GPHN: variants seen among roughly 807,000 people sequenced by gnomAD.
GPHN encodes gephyrin.
Under a neutral mutation model 95.5 loss-of-function variants are expected in GPHN, and 17 were observed. The observed-to-expected ratio is 0.18, with a 90% CI of 0.12 to 0.27. GPHN has a LOEUF of 0.27. GPHN is among the 10% of genes least tolerant of loss of function. GPHN has a pLI of 1.00. For missense variants in GPHN, 660 were observed against 978.1 expected (o/e 0.67, Z 4.34); for synonymous variants, 320 against 322.5 (o/e 0.99, Z 0.08).
At chr14:66,797,441 A>G (rs1396294452) in intron 3 of GPHN, among the ~76,000 whole-genome samples, 2 of 151,878 alleles carry the variant, frequency 1.3e-5, no homozygotes, top group Non-Finnish European at 2.9e-5. Context: ...CATTTTAACA[A>G]TAGTTACTCT....
At chr14:67,246,618 G>A in the GPHN span, among the ~76,000 whole-genome samples, 1 of 151,020 alleles carries the variant, frequency 6.6e-6, no homozygotes, top group Non-Finnish European at 1.5e-5. Flanking sequence ...TAGGATTACA[G>A]GTGTTAGCCA....
the GPHN span, chr14:67,557,188 G>T: frequency 8.5e-7 from 1 of 1,171,216 alleles, no homozygotes; most frequent in Non-Finnish European, 1.2e-6. Flanking sequence ...GGCATCAGAC[G>T]GTGTCCCATC....
chr14:67,386,264 A>ACAT, the GPHN span: 1 of 152,676 alleles, frequency 6.5e-6, no homozygotes, highest in Non-Finnish European at 1.5e-5. Flanking sequence ...AATAAGTAAA[A>ACAT]CATTAGCTTG....
At chr14:66,759,281 C>T (rs143159415) in intron 2 of GPHN, among the ~76,000 whole-genome samples, 19 of 152,234 alleles carry the variant, frequency 1.2e-4, no homozygotes, top group Admixed American at 2.6e-4. Flanking sequence ...ATTCTTTACT[C>T]ACCACAGGTT....
At chr14:67,183,865 T>C (rs1055012698), downstream of GPHN, among the ~76,000 whole-genome samples, 1 of 151,586 alleles carries the variant, frequency 6.6e-6, no homozygotes. Context: ...TCTTTTCTTT[T>C]TTTTTTTAAT....
the GPHN span, among the ~76,000 whole-genome samples, chr14:67,481,019 T>C: frequency 6.6e-6 from 1 of 151,954 alleles, no homozygotes; most frequent in Non-Finnish European, 1.5e-5. Flanking sequence ...GAAGAGAGGA[T>C]GGAGTTCATG....
At chr14:67,677,278 T>A in the GPHN span, 1 of 151,702 alleles carries the variant, frequency 6.6e-6, no homozygotes, top group African/African-American at 2.4e-5. Flanking sequence ...CAAAATATTA[T>A]TAAATTGACC....
chr14:66,975,289 TAATC>T (rs1467758495), intron 9 of GPHN, among the ~76,000 whole-genome samples: 2 of 152,248 alleles, frequency 1.3e-5, no homozygotes, highest in Non-Finnish European at 2.9e-5. Context: ...AGTCATCTCT[TAATC>T]AAACTCAGTA....
At chr14:67,562,990 G>A in the GPHN span, 3 of 1,276,166 alleles carry the variant, frequency 2.4e-6, no homozygotes, top group Admixed American at 5.1e-5. Context: ...AGAGGAGGCT[G>A]CTGGCATCCT....
At chr14:66,603,238 C>T (rs983101064) in intron 1 of GPHN, among the ~76,000 whole-genome samples, 4 of 151,770 alleles carry the variant, frequency 2.6e-5, no homozygotes, top group Non-Finnish European at 4.4e-5. Flanking sequence ...CAGAAACACA[C>T]AAGAAGCAAG....
intron 11 of GPHN, among the ~76,000 whole-genome samples, chr14:67,086,735 T>TA (rs1438634420): frequency 6.6e-6 from 1 of 151,244 alleles, no homozygotes; most frequent in African/African-American, 2.4e-5. Context: ...GGTAAGTACT[T>TA]ACTGTATTTA....
At chr14:66,554,167 G>A (rs2059925097) in intron 1 of GPHN, among the ~76,000 whole-genome samples, 1 of 152,124 alleles carries the variant, frequency 6.6e-6, no homozygotes, top group Admixed American at 6.5e-5. Context: ...CTTGAAAATA[G>A]CATGGACTTA....
chr14:67,391,894 T>G, the GPHN span, among the ~76,000 whole-genome samples: 17 of 152,194 alleles, frequency 1.1e-4, no homozygotes, highest in African/African-American at 3.6e-4. Flanking sequence ...GAGAAAATTG[T>G]TTTTAGCTCA....
At chr14:66,865,834 A>T (rs1369850201) in intron 4 of GPHN, among the ~76,000 whole-genome samples, 2 of 152,194 alleles carry the variant, frequency 1.3e-5, no homozygotes, top group African/African-American at 4.8e-5. Context: ...AAATTTTTAA[A>T]TAATTTTTGT....
intron 1 of GPHN, among the ~76,000 whole-genome samples, chr14:66,609,413 G>A (rs970964446): frequency 1.3e-5 from 2 of 152,050 alleles, no homozygotes; most frequent in East Asian, 1.9e-4. Context: ...TCTGATGTCT[G>A]TGTGTCTTGG....
intron 2 of GPHN, among the ~76,000 whole-genome samples, chr14:66,683,106 C>G (rs546684079): frequency 6.6e-6 from 1 of 151,470 alleles, no homozygotes; most frequent in African/African-American, 2.4e-5. Flanking sequence ...AATATAGCAT[C>G]ATTCTCCTAA....
chr14:67,190,341 A>T, the GPHN span, among the ~76,000 whole-genome samples: 1 of 151,160 alleles, frequency 6.6e-6, no homozygotes, highest in Non-Finnish European at 1.5e-5. Context: ...CTCGTGCCTC[A>T]GCCTCCCAAG....
chr14:67,354,647 T>C, the GPHN span, among the ~76,000 whole-genome samples: 1 of 152,208 alleles, frequency 6.6e-6, no homozygotes, highest in African/African-American at 2.4e-5. Context: ...GTGCTGTCTA[T>C]ATAACAGTCT....
intron 8 of GPHN, among the ~76,000 whole-genome samples, chr14:66,953,527 C>T (rs1382045673): frequency 6.6e-6 from 1 of 152,176 alleles, no homozygotes; most frequent in African/African-American, 2.4e-5. Flanking sequence ...GCTTCAACTT[C>T]ATTCTTTTGC....
Sources: gnomAD v4.1 joint callset for allele counts (sites outside exome capture counted in the v4.1 genomes callset) on GRCh38, gnomAD v4.1.1 for gene constraint, MANE v1.5 for transcripts, NCBI Gene and HGNC (gene_info 2026-07-23, HGNC 2026-07-21) for gene names.